Variants in IFT74 observed in about 807,000 individuals in gnomAD.
IFT74 encodes intraflagellar transport protein 74 homolog.
A neutral mutation model predicts 96.7 loss-of-function variants in IFT74; 92 were observed. That is an observed-to-expected ratio of 0.95 (90% CI 0.80 to 1.13). The LOEUF (loss-of-function observed/expected upper bound fraction) is 1.13. IFT74 is among the 50% of genes most tolerant of loss of function. The probability of loss-of-function intolerance (pLI) is 0.00; values close to 1 mark genes in which losing one functional copy is unlikely to be tolerated. For missense variants in IFT74, 811 were observed against 698.2 expected (o/e 1.16, Z -1.82); for synonymous variants, 223 against 213.2 (o/e 1.05, Z -0.40).
In IFT74 at chr9:26,995,613, T is replaced by C. The variant is rs141891520; in HGVS notation, c.587+5418T>C. ...ACAAATGAATGTAATTGTTCAAATATTACTGTAGTTTCTTCAGAGTTTGTT... is the reference window on the plus strand; with the variant it reads ...ACAAATGAATGTAATTGTTCAAATACTACTGTAGTTTCTTCAGAGTTTGTT... On this transcript the variant is annotated intron_variant, in intron 8 of 19. Transcript: ENST00000380062. 28 of 1,610,916 alleles carry C rather than the reference T, an allele frequency of 1.7e-5. No homozygotes were observed. In the African/African-American group the frequency reaches 3.2e-4, roughly 18 times the overall value.
intron 15 of IFT74, among the ~76,000 whole-genome samples, chr9:27,047,757 T>TA (rs1018044190): frequency 6.6e-6 from 1 of 152,196 alleles, no homozygotes; most frequent in Admixed American, 6.5e-5. Context: ...AAATTTATTG[T>TA]AAATAAAAAG....
chr9:27,029,135 T>G (rs1002317975), intron 13 of IFT74, 31 bp downstream of exon 13: 4 of 1,524,910 alleles, frequency 2.6e-6, no homozygotes, highest in Non-Finnish European at 3.6e-6. Flanking sequence ...TAATGTAGAT[T>G]AACAGATGTT....
At chr9:27,024,481 AG>A (rs1829760884) in intron 12 of IFT74, among the ~76,000 whole-genome samples, 1 of 152,220 alleles carries the variant, frequency 6.6e-6, no homozygotes, top group Admixed American at 6.5e-5. Flanking sequence ...CACCACATCA[AG>A]GGATCACCTC....
chr9:27,007,745 T>C (rs1023172869), intron 8 of IFT74, among the ~76,000 whole-genome samples: 4 of 152,196 alleles, frequency 2.6e-5, no homozygotes, highest in Admixed American at 1.3e-4. Flanking sequence ...GTGAAAACTA[T>C]AGAAGTTGGT....
At chr9:27,020,553 C>A (rs1438829973) in intron 12 of IFT74, among the ~76,000 whole-genome samples, 2 of 150,878 alleles carry the variant, frequency 1.3e-5, no homozygotes, top group African/African-American at 2.4e-5. Flanking sequence ...CGGCTCACTG[C>A]AAGCTCCTCC....
intron 2 of IFT74, among the ~76,000 whole-genome samples, chr9:26,975,985 C>T (rs1030140295): frequency 6.6e-6 from 1 of 152,216 alleles, no homozygotes; most frequent in African/African-American, 2.4e-5. Flanking sequence ...ACATCATCTA[C>T]ATACACTTTT....
At chr9:27,040,544 CAAA>C (rs751893169) in intron 13 of IFT74, among the ~76,000 whole-genome samples, 5 of 62,090 alleles carry the variant, frequency 8.1e-5, no homozygotes, top group South Asian at 7.3e-4. Context: ...GACACTGTCT[CAAA>C]AAAAAAAAAA....
intron 2 of IFT74, among the ~76,000 whole-genome samples, chr9:26,973,872 G>T (rs539178291): frequency 2.6e-4 from 39 of 152,220 alleles, no homozygotes; most frequent in African/African-American, 9.1e-4. Flanking sequence ...CTCCTGGTGG[G>T]ACTCAAATTA....
intron 13 of IFT74, among the ~76,000 whole-genome samples, chr9:27,034,086 C>T (rs1056706931): frequency 3.9e-5 from 6 of 152,026 alleles, no homozygotes; most frequent in East Asian, 1.9e-4. Flanking sequence ...AAATGTTGTA[C>T]GGTCACTGTC....
intron 8 of IFT74, chr9:26,997,837 T>C (rs1320821409): frequency 1.2e-6 from 2 of 1,614,108 alleles, no homozygotes; most frequent in Non-Finnish European, 1.7e-6. Context: ...ATAGTGGTGG[T>C]ACATCCAAAT....
chr9:26,968,864 A>G lies in IFT74; in HGVS notation c.120+6777A>G, dbSNP rs188580130. Among the ~76,000 whole-genome samples the G allele has an allele frequency of 2.1e-3, 311 of 150,348 alleles. 3 individuals are homozygous for G. Among genetic ancestry groups the G allele is most frequent in the Non-Finnish European group, 3.9e-3 (267 of 67,862 alleles). ...ATTTTGTTTATCTTTTCAAAACACC[A>G]ACTTTGTGTTTCATTAATCTTTTAT... On this transcript the variant is annotated intron_variant, in intron 2 of 19. Coordinates refer to ENST00000380062, the MANE Select transcript of IFT74 (RefSeq NM_025103.4).
rs539800234 is a variant in IFT74, at chr9:26,982,287, C to T, written c.305+1668C>T. Reference sequence around the variant, plus strand: ...AGCTTTTTTTCTTTTTTTTTTGAGACGGAGTTTTGCTTGTCACCCAAGCTG... The same window carrying T: ...AGCTTTTTTTCTTTTTTTTTTGAGATGGAGTTTTGCTTGTCACCCAAGCTG... On this transcript the variant is annotated intron_variant, in intron 4 of 19. Coordinates refer to ENST00000380062, the MANE Select transcript of IFT74 (RefSeq NM_025103.4). 3.8e-3 allele frequency: 1,335 copies of T among 351,590 alleles called. 31 individuals carry two copies. Among genetic ancestry groups the T allele is most frequent in the South Asian group, 0.026 (1,300 of 49,928 alleles). 21.8% of individuals were successfully genotyped at this position (351,590 alleles called of 1,614,324 possible). A position where few individuals can be genotyped will look rare whatever the true frequency, so the allele number is the denominator to read the frequency against.
chr9:27,041,501 C>T (rs10967678), intron 13 of IFT74, among the ~76,000 whole-genome samples: 13,652 of 152,056 alleles, frequency 0.09, 1,698 homozygotes, highest in East Asian at 0.67. Flanking sequence ...TAGAAGTATG[C>T]GCACATCAAA....
chr9:27,007,248 T>G (rs1828843034), intron 8 of IFT74, among the ~76,000 whole-genome samples: 1 of 152,202 alleles, frequency 6.6e-6, no homozygotes, highest in Non-Finnish European at 1.5e-5. Flanking sequence ...ATATGGCCTT[T>G]AGAAAGTCAG....
At chr9:27,025,957 G>A (rs1829845164) in intron 12 of IFT74, among the ~76,000 whole-genome samples, 1 of 152,114 alleles carries the variant, frequency 6.6e-6, no homozygotes, top group African/African-American at 2.4e-5. Context: ...GCAATAACTA[G>A]CACAATGAAT....
At chr9:27,009,256 C>G (rs1828936617) in intron 9 of IFT74, 98 bp downstream of exon 9, 1 of 1,059,724 alleles carries the variant, frequency 9.4e-7, no homozygotes, top group Non-Finnish European at 1.4e-6. Flanking sequence ...GAGAACTTGA[C>G]TATACTTTGA....
At chr9:26,959,921 C>G (rs962258985) in intron 1 of IFT74, among the ~76,000 whole-genome samples, 1 of 152,200 alleles carries the variant, frequency 6.6e-6, no homozygotes, top group Non-Finnish European at 1.5e-5. Flanking sequence ...CAGCAATGTT[C>G]AGCACTTCAG....
chr9:26,984,420 C>T, intron 5 of IFT74, 65 bp downstream of exon 5: 1 of 1,580,216 alleles, frequency 6.3e-7, no homozygotes, highest in Non-Finnish European at 8.6e-7. Context: ...TTGTAGCTAT[C>T]CATATTGTTT....
At chr9:26,977,754 G>T (rs1280288940) in intron 2 of IFT74, among the ~76,000 whole-genome samples, 1 of 152,184 alleles carries the variant, frequency 6.6e-6, no homozygotes, top group Non-Finnish European at 1.5e-5. Context: ...CTCACAAAGT[G>T]CTGGGATTAC....
Sources: gnomAD v4.1 joint callset for allele counts (sites outside exome capture counted in the v4.1 genomes callset) on GRCh38, gnomAD v4.1.1 for gene constraint, MANE v1.5 for transcripts, NCBI Gene and HGNC (gene_info 2026-07-23, HGNC 2026-07-21) for gene names.